ZNF382: variants seen among roughly 807,000 people sequenced by gnomAD.
ZNF382 encodes zinc finger protein 382.
A neutral mutation model predicts 38.8 loss-of-function variants in ZNF382; 20 were observed. That is an observed-to-expected ratio of 0.51 (90% confidence interval 0.36 to 0.75). ZNF382 has a LOEUF of 0.75. ZNF382 is among the 30% of genes least tolerant of loss of function. The pLI, the probability that ZNF382 is intolerant of heterozygous loss-of-function variation, is 0.00. For missense variants in ZNF382, 546 were observed against 654.1 expected (o/e 0.83, Z 1.80); for synonymous variants, 202 against 223.1 (o/e 0.91, Z 0.84).
intron 4 of ZNF382, among the ~76,000 whole-genome samples, chr19:36,625,781 A>T (rs112189845): frequency 2.0e-5 from 3 of 151,806 alleles, no homozygotes; most frequent in African/African-American, 7.2e-5. Flanking sequence ...CTGGTCTCAA[A>T]CTCCTGACCT....
rs2037238226 is a variant in ZNF382 at position 36,629,230 on chromosome 19, G to A, written c.*1680G>A. 1 of 152,288 alleles carries A rather than the reference G, an allele frequency of 6.6e-6. No individual in the cohort carries two copies. The highest frequency in any genetic ancestry group is 1.5e-5 in the Non-Finnish European group (1 of 68,166). The allele number at this position is 152,288 out of a possible 1,614,324, so 9.4% of individuals were successfully genotyped here. ...CCTGCCTCGGCCTCCCAAAGTGCTA[G>A]GATTACAGGGACTTTTAACTCTGGG... On this transcript the variant is annotated 3_prime_UTR_variant, in exon 5 of 5. Transcript: ENST00000292928.
At position 36,628,134 on chromosome 19, in the gene ZNF382, C is replaced by T. The variant is rs908700303; in HGVS notation, c.*584C>T. The stretch of plus-strand genomic sequence containing the variant: ...ATGTCCGTGAGTCTAATCATTAGTA[C>T]GTGTGGCAGAAGTTTATTTATTTTT... On this transcript the variant is annotated 3_prime_UTR_variant, in exon 5 of 5. Coordinates refer to ENST00000292928, the MANE Select transcript of ZNF382 (RefSeq NM_032825.5). 28 of 152,226 alleles carry T rather than the reference C, an allele frequency of 1.8e-4. No individual in the cohort carries two copies. Among genetic ancestry groups the T allele is most frequent in the African/African-American group, 6.0e-4 (25 of 41,398 alleles). 9.4% of individuals were successfully genotyped at this position (152,226 alleles called of 1,614,324 possible).
chr19:36,613,903 G>C (rs2037099375), intron 4 of ZNF382, among the ~76,000 whole-genome samples: 1 of 152,194 alleles, frequency 6.6e-6, no homozygotes, highest in Non-Finnish European at 1.5e-5. Flanking sequence ...GATCACATTT[G>C]TATCAGTCTA....
chr19:36,612,588 T>G (rs988513900), intron 4 of ZNF382, among the ~76,000 whole-genome samples: 1 of 152,234 alleles, frequency 6.6e-6, no homozygotes, highest in South Asian at 2.1e-4. Flanking sequence ...TCATCAGCAC[T>G]GTATGAGAAT....
intron 4 of ZNF382, among the ~76,000 whole-genome samples, chr19:36,619,817 G>A (rs1186075985): frequency 1.3e-5 from 2 of 151,084 alleles, no homozygotes; most frequent in Admixed American, 6.6e-5. Context: ...TGCAAGCTCC[G>A]CCTCCCGAGT....
At chr19:36,608,818 T>G (rs2037054840) in intron 2 of ZNF382, 1 of 152,302 alleles carries the variant, frequency 6.6e-6, no homozygotes. Flanking sequence ...ATTTTCACTT[T>G]CTAGTCCCAG....
In ZNF382 at chr19:36,607,685, C is replaced by T. The variant is rs1451290574; in HGVS notation, c.-14+63C>T. 2.1e-6 allele frequency: 3 copies of T among 1,431,646 alleles called. No homozygotes were observed. In the East Asian group the frequency reaches 7.7e-5, roughly 37 times the overall value. 88.7% of individuals were successfully genotyped at this position (1,431,646 alleles called of 1,614,324 possible). Reference sequence around the variant, plus strand: ...TTTCATGGTGTATGAACATGAGCTTCACTGTCCTTTAACCTTCCCTGATAT... The same window carrying T: ...TTTCATGGTGTATGAACATGAGCTTTACTGTCCTTTAACCTTCCCTGATAT... On this transcript the variant is annotated intron_variant, in intron 2 of 4. Transcript: ENST00000292928.
intron 4 of ZNF382, among the ~76,000 whole-genome samples, chr19:36,614,982 CTTTCT>C (rs1270656681): frequency 3.8e-5 from 3 of 78,096 alleles, no homozygotes; most frequent in African/African-American, 1.1e-4. Flanking sequence ...TCCTTTCCTT[CTTTCT>C]TTTTTTTTTT....
At chr19:36,614,929 C>CCCTTTCCCTTTCCCTTTA (rs2037112167) in intron 4 of ZNF382, among the ~76,000 whole-genome samples, 1 of 134,510 alleles carries the variant, frequency 7.4e-6, no homozygotes, top group Non-Finnish European at 1.6e-5. Context: ...CTTTCCCTTT[C>CCCTTTCCCTTTCCCTTTA]CCTTTCCCTT....
Position 36,629,377 on chromosome 19 carries a change from CCAACCA to C in ZNF382, c.*1828_*1833del, listed in dbSNP as rs1323238350. 1.3e-5 allele frequency: 2 copies of C among 152,068 alleles called. No individual in the cohort carries two copies. Among genetic ancestry groups the C allele is most frequent in the Non-Finnish European group, 2.9e-5 (2 of 68,072 alleles). The allele number at this position is 152,068 out of a possible 1,614,324, so 9.4% of individuals were successfully genotyped here. ...CCCAGCCATCAGCTAGCATCAGCTG[CCAACCA>C]TGTAAGTGAGGCCTCTTGGACATCC... On this transcript the variant is annotated 3_prime_UTR_variant, in exon 5 of 5. Coordinates refer to ENST00000292928, the MANE Select transcript of ZNF382 (RefSeq NM_032825.5).
At chr19:36,607,190 C>G (rs1234625229) in intron 1 of ZNF382, among the ~76,000 whole-genome samples, 1 of 151,982 alleles carries the variant, frequency 6.6e-6, no homozygotes, top group East Asian at 1.9e-4. Flanking sequence ...TCATCCACTA[C>G]TATCAGTGTA....
Position 36,626,408 on chromosome 19 carries a change from C to T in ZNF382, c.511C>T (p.Leu171Phe), listed in dbSNP as rs367633489. The T allele has an allele frequency of 1.2e-6, 2 of 1,600,040 alleles. No homozygotes were observed. The highest frequency in any genetic ancestry group is 1.3e-5 in the African/African-American group (1 of 74,104). Residue 171 changes from leucine (L) to phenylalanine (F), a missense_variant, in exon 5 of 5, where the codon CTC (leucine) becomes TTC (phenylalanine). By Grantham distance (22) the Leu-to-Phe change is conservative (BLOSUM62 0). Transcript: ENST00000292928. ...TGACAGTACTGGATGGGAGAAATCA[C>T]TCCTCAATACCAAGCATGAGAAAAT... ...FGDSTGWEKS[L>F]LNTKHEKIHP...
chr19:36,619,554 G>T (rs904178293), intron 4 of ZNF382, among the ~76,000 whole-genome samples: 4 of 152,156 alleles, frequency 2.6e-5, no homozygotes, highest in African/African-American at 9.7e-5. Flanking sequence ...TTGGCCCCTG[G>T]AATTCCTAAG....
rs1184019955 is a variant in ZNF382 at position 36,629,648 on chromosome 19, G to A, written c.*2098G>A. On this transcript the variant is annotated 3_prime_UTR_variant, in exon 5 of 5. Coordinates refer to ENST00000292928, the MANE Select transcript of ZNF382 (RefSeq NM_032825.5). ...TCTGTTAATATATAATAAAAATAAA[G>A]GTATAAGCCTGGGCTTGGTGGCTCA... The A allele has an allele frequency of 1.3e-5, 2 of 152,218 alleles. No homozygotes were observed. The highest frequency in any genetic ancestry group is 4.1e-4 in the South Asian group (2 of 4,820). 9.4% of individuals were successfully genotyped at this position (152,218 alleles called of 1,614,324 possible). A position where few individuals can be genotyped will look rare whatever the true frequency, so the allele number is the denominator to read the frequency against.
intron 4 of ZNF382, among the ~76,000 whole-genome samples, chr19:36,614,923 C>CCTT (rs1443341777): frequency 1.6e-3 from 134 of 82,216 alleles, no homozygotes; most frequent in Admixed American, 2.3e-3. Flanking sequence ...CCTTCCCTTT[C>CCTT]CCTTTCCCTT....
rs1205381175 is a variant in ZNF382, at chr19:36,628,906, C to G, written c.*1356C>G. 2 of 149,632 alleles carry G rather than the reference C, an allele frequency of 1.3e-5. No individual in the cohort carries two copies. The highest frequency in any genetic ancestry group is 3.0e-5 in the Non-Finnish European group (2 of 67,512). 9.3% of individuals were successfully genotyped at this position (149,632 alleles called of 1,614,324 possible). ...CTGTTGCTCATTTCTTTTACACCAT[C>G]AAAGAATTAATACCAAAGAAAGGAA... On this transcript the variant is annotated 3_prime_UTR_variant, in exon 5 of 5. Coordinates refer to ENST00000292928, the MANE Select transcript of ZNF382 (RefSeq NM_032825.5).
chr19:36,611,842 AT>A (rs1406602316), intron 4 of ZNF382, among the ~76,000 whole-genome samples: 1 of 152,148 alleles, frequency 6.6e-6, no homozygotes, highest in Admixed American at 6.5e-5. Flanking sequence ...TTAGTGATCT[AT>A]TTTTAAAGAC....
chr19:36,611,382 C>G lies in ZNF382; in HGVS notation c.232+640C>G, dbSNP rs1383224906. Among the ~76,000 whole-genome samples the G allele has an allele frequency of 2.0e-5, 3 of 152,124 alleles. No homozygotes were observed. The East Asian group carries it at 5.8e-4, about 29-fold the overall frequency. The stretch of plus-strand genomic sequence containing the variant: ...CTTGCTGTCTCTGTAAATTTGACTA[C>G]TCTAGGTACCTCTTGTAAGTGCAAT... On this transcript the variant is annotated intron_variant, in intron 4 of 4. Transcript: ENST00000292928.
chr19:36,606,590 A>G (rs1163550115), intron 1 of ZNF382, among the ~76,000 whole-genome samples: 1 of 150,006 alleles, frequency 6.7e-6, no homozygotes, highest in African/African-American at 2.4e-5. Flanking sequence ...TCCTGACCTC[A>G]AGTGATCCCC....
Sources: allele counts gnomAD v4.1 joint callset (sites outside exome capture counted in the v4.1 genomes callset), GRCh38; gene constraint gnomAD v4.1.1; transcripts MANE v1.5; gene names NCBI Gene and HGNC (gene_info 2026-07-23, HGNC 2026-07-21).